The following LRP1B variants were observed in gnomAD, a reference collection of about 807,000 sequenced individuals.
The protein encoded by LRP1B is low-density lipoprotein receptor-related protein 1B.
LRP1B carries 217 observed loss-of-function variants against 556.6 expected under a neutral mutation model. The ratio of observed to expected loss-of-function variants is 0.39; its 90% CI spans 0.35 to 0.44. The LOEUF (loss-of-function observed/expected upper bound fraction) is 0.44. Ranked by LOEUF, LRP1B falls within the 20% of genes least tolerant of loss-of-function variation. The pLI, the probability that LRP1B is intolerant of heterozygous loss-of-function variation, is 1.00. For missense variants in LRP1B, 5,053 were observed against 5,620.8 expected (o/e 0.90, Z 3.23); for synonymous variants, 2,047 against 1,865.8 (o/e 1.10, Z -2.50).
intron 35 of LRP1B, among the ~76,000 whole-genome samples, chr2:140,761,408 G>C (rs1459676799): frequency 6.6e-6 from 1 of 152,126 alleles, no homozygotes; most frequent in Non-Finnish European, 1.5e-5. Context: ...TCCTTCTCTA[G>C]TCCCTTTCTC....
intron 20 of LRP1B, among the ~76,000 whole-genome samples, chr2:140,936,851 G>C (rs1003856394): frequency 6.6e-6 from 1 of 151,906 alleles, no homozygotes; most frequent in African/African-American, 2.4e-5. Flanking sequence ...GTATTAGGTT[G>C]GTACAAAAGT....
chr2:142,115,818 TGTA>T lies in LRP1B; in HGVS notation c.82+14827_82+14829del, dbSNP rs1559080560. On this transcript the variant is annotated intron_variant, in intron 1 of 90. Coordinates refer to ENST00000389484, the MANE Select transcript of LRP1B (RefSeq NM_018557.3). The stretch of plus-strand genomic sequence containing the variant: ...ATATATGTAATATATATCATATATA[TGTA>T]ATATATATCATATATATGTAATATA... 0.022 allele frequency among the ~76,000 whole-genome samples: 192 copies of T among 8,560 alleles called. 81 individuals carry two copies. The South Asian group carries it at 0.37, about 17-fold the overall frequency. The allele number at this position is 8,560 out of a possible 152,430, so 5.6% of individuals were successfully genotyped here.
intron 55 of LRP1B, among the ~76,000 whole-genome samples, chr2:140,497,612 C>T (rs1689001292): frequency 6.6e-6 from 1 of 151,634 alleles, no homozygotes; most frequent in South Asian, 2.1e-4. Context: ...GCCAGAGGTC[C>T]AATTAGTAGA....
At chr2:141,067,628 A>G (rs1699514242) in intron 7 of LRP1B, among the ~76,000 whole-genome samples, 1 of 151,940 alleles carries the variant, frequency 6.6e-6, no homozygotes, top group Non-Finnish European at 1.5e-5. Flanking sequence ...AACCTGCCCC[A>G]TTTAGTGTTT....
Position 141,789,222 on chromosome 2 carries a change from T to C in LRP1B, c.205+21057A>G, listed in dbSNP as rs7587858. On this transcript the variant is annotated intron_variant, in intron 2 of 90. Transcript: ENST00000389484. ...GGATTGAAGAAAACTAGATGTTTTA[T>C]AGGAGGGGGGTGTCCAGTTTTCTAA... is the stretch of plus-strand genomic sequence containing the variant. Among the ~76,000 whole-genome samples the C allele has an allele frequency of 7.8e-3, 1,187 of 152,102 alleles. 14 individuals are homozygous for C. The highest frequency in any genetic ancestry group is 0.026 in the African/African-American group (1,093 of 41,538).
chr2:142,101,516 T>C (rs888209067), intron 1 of LRP1B, among the ~76,000 whole-genome samples: 1 of 152,044 alleles, frequency 6.6e-6, no homozygotes, highest in African/African-American at 2.4e-5. Flanking sequence ...TATATCCTGA[T>C]GATATAGGAT....
intron 1 of LRP1B, among the ~76,000 whole-genome samples, chr2:141,936,727 C>A (rs1700645760): frequency 6.6e-6 from 1 of 152,108 alleles, no homozygotes; most frequent in Admixed American, 6.5e-5. Flanking sequence ...TCTTAAGGTG[C>A]AGTTTCATCA....
intron 3 of LRP1B, among the ~76,000 whole-genome samples, chr2:141,451,928 C>T (rs1419883069): frequency 6.6e-6 from 1 of 152,080 alleles, no homozygotes; most frequent in Non-Finnish European, 1.5e-5. Context: ...TCCTTAGTGA[C>T]CCTGTTGGAT....
intron 21 of LRP1B, among the ~76,000 whole-genome samples, chr2:140,914,298 G>T (rs1694510627): frequency 6.6e-6 from 1 of 152,224 alleles, no homozygotes; most frequent in Non-Finnish European, 1.5e-5. Flanking sequence ...AATGGAATGG[G>T]TTATGTTGGA....
At position 140,769,258 on chromosome 2, in the gene LRP1B, G is replaced by T. The variant is rs778717673; in HGVS notation, c.5713C>A (p.Pro1905Thr). ...EPSDKMDALM[P>T]ISGTSFAVGI... ...ACGGCAAATGAAGTTCCTGATATAG[G>T]CATCAAAGCATCCATTTTGTCACTT... is the stretch of plus-strand genomic sequence containing the variant. Residue 1905 changes from proline (P) to threonine (T), a missense_variant, in exon 35 of 91, where the codon CCT (proline) becomes ACT (threonine). Physicochemically the swap from Pro to Thr is conservative, Grantham distance 38. Coordinates refer to ENST00000389484, the MANE Select transcript of LRP1B (RefSeq NM_018557.3). The T allele has an allele frequency of 1.2e-6, 2 of 1,612,050 alleles. No homozygotes were observed. The highest frequency in any genetic ancestry group is 1.7e-6 in the Non-Finnish European group (2 of 1,178,608).
intron 35 of LRP1B, among the ~76,000 whole-genome samples, chr2:140,727,803 T>A (rs1416485682): frequency 6.6e-6 from 1 of 152,192 alleles, no homozygotes; most frequent in African/African-American, 2.4e-5. Flanking sequence ...TTCAAACATG[T>A]TGCAGATTAA....
intron 2 of LRP1B, among the ~76,000 whole-genome samples, chr2:141,549,773 G>A (rs1295919541): frequency 6.6e-6 from 1 of 152,138 alleles, no homozygotes; most frequent in African/African-American, 2.4e-5. Context: ...GAGGCAGGTG[G>A]ATCATGAGGT....
chr2:141,764,637 T>C (rs1694674462), intron 2 of LRP1B, among the ~76,000 whole-genome samples: 1 of 152,094 alleles, frequency 6.6e-6, no homozygotes, highest in African/African-American at 2.4e-5. Context: ...CACCCTGATC[T>C]TGGATTTCCA....
chr2:141,952,446 C>T (rs1330356160), intron 1 of LRP1B, among the ~76,000 whole-genome samples: 4 of 152,090 alleles, frequency 2.6e-5, no homozygotes, highest in Non-Finnish European at 1.5e-5. Context: ...AACAGAATTA[C>T]AAATTAATTT....
chr2:140,251,148 G>C (rs561953697), intron 86 of LRP1B, among the ~76,000 whole-genome samples: 1 of 151,866 alleles, frequency 6.6e-6, no homozygotes, highest in Non-Finnish European at 1.5e-5. Context: ...TCGTATAAAA[G>C]CTAGAGTGTA....
intron 2 of LRP1B, among the ~76,000 whole-genome samples, chr2:141,708,165 CG>C (rs1692217453): frequency 1.3e-5 from 2 of 151,972 alleles, no homozygotes; most frequent in African/African-American, 4.8e-5. Flanking sequence ...TAATGGCACA[CG>C]TTTACCTATG....
intron 2 of LRP1B, among the ~76,000 whole-genome samples, chr2:141,627,369 T>A (rs1006920205): frequency 6.6e-6 from 1 of 152,188 alleles, no homozygotes; most frequent in African/African-American, 2.4e-5. Flanking sequence ...GAAGATAATA[T>A]CATTTTACAT....
intron 6 of LRP1B, among the ~76,000 whole-genome samples, chr2:141,201,037 C>T (rs940252241): frequency 1.3e-5 from 2 of 152,064 alleles, no homozygotes; most frequent in Admixed American, 6.6e-5. Context: ...TAATAAGTCA[C>T]TTTACCTGAG....
chr2:140,555,631 T>TA (rs1680704636), intron 43 of LRP1B, among the ~76,000 whole-genome samples: 1 of 152,134 alleles, frequency 6.6e-6, no homozygotes, highest in Non-Finnish European at 1.5e-5. Flanking sequence ...AAATAAGCTT[T>TA]AAAATCTTAA....
Sources: gnomAD v4.1 joint callset for allele counts (sites outside exome capture counted in the v4.1 genomes callset) on GRCh38, gnomAD v4.1.1 for gene constraint, MANE v1.5 for transcripts, NCBI Gene and HGNC (gene_info 2026-07-23, HGNC 2026-07-21) for gene names.